The following ALMS1 variants were observed in gnomAD, a reference collection of about 807,000 sequenced individuals.
ALMS1 encodes the protein centrosome-associated protein ALMS1.
ALMS1 carries 271 observed loss-of-function variants against 352.2 expected under a neutral mutation model. That is an observed-to-expected ratio of 0.77 (90% confidence interval 0.70 to 0.85). The LOEUF (loss-of-function observed/expected upper bound fraction) is 0.85, where lower values mean the gene tolerates loss of function less well. Ranked by LOEUF, ALMS1 falls within the 40% of genes least tolerant of loss-of-function variation. ALMS1 has a pLI of 0.00. For missense variants in ALMS1, 5,445 were observed against 4,870.7 expected, an observed-to-expected ratio of 1.12 and a Z score of -3.51; for synonymous variants, 1,865 against 1,761.2, an observed-to-expected ratio of 1.06 and a Z score of -1.48.
chr2:73,387,867 G>C (rs1670571211), intron 1 of ALMS1, among the ~76,000 whole-genome samples: 1 of 152,314 alleles, frequency 6.6e-6, no homozygotes, highest in Admixed American at 6.5e-5. Flanking sequence ...GGAAGTGTTG[G>C]TGGATACAGG....
intron 1 of ALMS1, among the ~76,000 whole-genome samples, chr2:73,399,242 T>C (rs917822988): frequency 1.3e-5 from 2 of 152,168 alleles, no homozygotes; most frequent in Non-Finnish European, 2.9e-5. Flanking sequence ...TTCCTTTTCT[T>C]GTCTTATTGC....
intron 9 of ALMS1, among the ~76,000 whole-genome samples, chr2:73,473,284 T>C (rs1672505948): frequency 6.6e-6 from 1 of 152,066 alleles, no homozygotes; most frequent in Non-Finnish European, 1.5e-5. Flanking sequence ...CTTTTTTCTT[T>C]CCTTGGCTGC....
chr2:73,399,227 T>G (rs1207390488), intron 1 of ALMS1, among the ~76,000 whole-genome samples: 1 of 152,120 alleles, frequency 6.6e-6, no homozygotes, highest in African/African-American at 2.4e-5. Context: ...CTGTGTACCT[T>G]TTATTTCCTT....
At chr2:73,568,033 T>A (rs768606205) in intron 15 of ALMS1, among the ~76,000 whole-genome samples, 1 of 152,050 alleles carries the variant, frequency 6.6e-6, no homozygotes, top group Non-Finnish European at 1.5e-5. Context: ...TACAAATCAA[T>A]GACAGCCTAA....
intron 7 of ALMS1, among the ~76,000 whole-genome samples, chr2:73,439,220 A>G (rs1671667667): frequency 6.7e-6 from 1 of 150,132 alleles, no homozygotes; most frequent in Non-Finnish European, 1.5e-5. Context: ...GGGCTCAAGC[A>G]GTCCTTCTGC....
intron 7 of ALMS1, among the ~76,000 whole-genome samples, chr2:73,438,132 T>C (rs895505146): frequency 3.3e-5 from 5 of 152,284 alleles, no homozygotes; most frequent in African/African-American, 7.2e-5. Flanking sequence ...ATTTAGCCAA[T>C]CCAGATCTAT....
intron 11 of ALMS1, among the ~76,000 whole-genome samples, chr2:73,524,732 G>A (rs1673754501): frequency 6.6e-6 from 1 of 152,206 alleles, no homozygotes; most frequent in Non-Finnish European, 1.5e-5. Flanking sequence ...GATTACAGAT[G>A]TGAGCCACCA....
intron 7 of ALMS1, among the ~76,000 whole-genome samples, chr2:73,439,599 G>A (rs571582233): frequency 3.9e-5 from 6 of 152,224 alleles, no homozygotes; most frequent in African/African-American, 1.4e-4. Context: ...GGAGTACGGT[G>A]GTGTGATCTC....
intron 10 of ALMS1, among the ~76,000 whole-genome samples, chr2:73,517,394 T>C (rs115849415): frequency 0.014 from 2,155 of 151,098 alleles, 53 homozygotes; most frequent in African/African-American, 0.049. Flanking sequence ...GCTGGGACTA[T>C]AGGCGCATGC....
chr2:73,585,219 G>T (rs1022282150), intron 16 of ALMS1, among the ~76,000 whole-genome samples: 2 of 152,064 alleles, frequency 1.3e-5, no homozygotes, highest in African/African-American at 2.4e-5. Context: ...TTGCATAATG[G>T]TTATACTAGT....
chr2:73,537,514 T>A (rs1026400138), intron 12 of ALMS1, among the ~76,000 whole-genome samples: 1 of 152,206 alleles, frequency 6.6e-6, no homozygotes, highest in African/African-American at 2.4e-5. Flanking sequence ...ATTTATTGGT[T>A]CTAGGCATTT....
chr2:73,453,455 G>A lies in ALMS1; in HGVS notation c.6928G>A (p.Gly2310Ser). 1 of 1,613,042 alleles carries A rather than the reference G, an allele frequency of 6.2e-7. No individual in the cohort carries two copies. The highest frequency in any genetic ancestry group is 8.5e-7 in the Non-Finnish European group (1 of 1,179,536). Residue 2310 changes from glycine to serine, a missense_variant, in exon 8 of 23, where the codon GGT becomes AGT. By Grantham distance (56) the Gly-to-Ser change is moderately conservative. Coordinates refer to ENST00000613296, the MANE Select transcript of ALMS1 (RefSeq NM_001378454.1). ...VVCFKEPSST[G>S]VSNGDLLHRQ... ...TTGCTTCAAAGAACCCTCTTCCACG[G>A]GTGTATCTAATGGTGATTTGCTTCA...
At chr2:73,457,588 A>G (rs535811080) in intron 9 of ALMS1, among the ~76,000 whole-genome samples, 8 of 152,238 alleles carry the variant, frequency 5.3e-5, no homozygotes, top group Non-Finnish European at 1.2e-4. Flanking sequence ...CTTTTATATC[A>G]GTGTTCAAGC....
rs1209076455 is a variant in ALMS1 at position 73,397,538 on chromosome 2, G to T, written c.325-11084G>T. Among the ~76,000 whole-genome samples the T allele has an allele frequency of 2.6e-5, 4 of 152,160 alleles. No homozygotes were observed. In the East Asian group the frequency reaches 7.7e-4, roughly 29 times the overall value. ...GCTGGAATGCAATGGCATTATCTTG[G>T]CTCACTGCAACCTCTGCCTCCCGGA... On this transcript the variant is annotated intron_variant, in intron 1 of 22. Coordinates refer to ENST00000613296, the MANE Select transcript of ALMS1 (RefSeq NM_001378454.1).
intron 2 of ALMS1, among the ~76,000 whole-genome samples, chr2:73,416,146 A>G (rs953129770): frequency 1.3e-5 from 2 of 152,222 alleles, no homozygotes; most frequent in Non-Finnish European, 2.9e-5. Flanking sequence ...GTGAGTCACA[A>G]GATGATTGGA....
chr2:73,562,801 C>T (rs1456646927), intron 15 of ALMS1, among the ~76,000 whole-genome samples: 2 of 151,808 alleles, frequency 1.3e-5, no homozygotes, highest in Non-Finnish European at 2.9e-5. Flanking sequence ...GCAGGAGAAG[C>T]GCTTGATTCC....
chr2:73,555,059 A>T (rs1264738597), intron 13 of ALMS1, among the ~76,000 whole-genome samples: 1 of 152,234 alleles, frequency 6.6e-6, no homozygotes, highest in Non-Finnish European at 1.5e-5. Flanking sequence ...AATAATAAAG[A>T]TGTCACTAAA....
chr2:73,574,174 TC>T (rs993579819), intron 16 of ALMS1, among the ~76,000 whole-genome samples: 2 of 152,200 alleles, frequency 1.3e-5, no homozygotes, highest in African/African-American at 4.8e-5. Flanking sequence ...TCATCTGTCT[TC>T]TTAAAGAAGG....
intron 10 of ALMS1, among the ~76,000 whole-genome samples, chr2:73,507,176 T>C (rs1673344988): frequency 1.3e-5 from 2 of 152,188 alleles, no homozygotes; most frequent in South Asian, 4.1e-4. Flanking sequence ...CTGGATTAGG[T>C]TTGCCAGTAT....
Sources: gnomAD v4.1 joint callset for allele counts (sites outside exome capture counted in the v4.1 genomes callset) on GRCh38, gnomAD v4.1.1 for gene constraint, MANE v1.5 for transcripts, NCBI Gene and HGNC (gene_info 2026-07-23, HGNC 2026-07-21) for gene names.